The following GPM6B variants were observed in gnomAD, a reference collection of about 807,000 sequenced individuals.
GPM6B encodes the protein neuronal membrane glycoprotein M6-b.
A neutral mutation model predicts 27.2 loss-of-function variants in GPM6B; 4 were observed. That is an observed-to-expected ratio of 0.15 (90% CI 0.07 to 0.34). The LOEUF (loss-of-function observed/expected upper bound fraction) is 0.34. GPM6B is among the 10% of genes least tolerant of loss of function. The pLI, the probability that GPM6B is intolerant of heterozygous loss-of-function variation, is 1.00. For missense variants in GPM6B, 183 were observed against 261.9 expected (o/e 0.70, Z 2.08); for synonymous variants, 124 against 103.1 (o/e 1.20, Z -1.23).
intron 1 of GPM6B, among the ~76,000 whole-genome samples, chrX:13,901,362 A>G (rs757042445): frequency 6.5e-4 from 72 of 110,562 alleles, no homozygotes; most frequent in Non-Finnish European, 1.2e-3. Flanking sequence ...TTTCTCCCTC[A>G]AGGTTTCATC....
At chrX:13,813,948 G>A (rs189814360) in intron 1 of GPM6B, among the ~76,000 whole-genome samples, 37 of 112,210 alleles carry the variant, frequency 3.3e-4, no homozygotes, top group East Asian at 3.0e-3. Context: ...ATACTCTTGT[G>A]AATTTTGGTA....
intron 1 of GPM6B, among the ~76,000 whole-genome samples, chrX:13,808,940 A>G (rs1444390581): frequency 8.9e-6 from 1 of 112,414 alleles, no homozygotes; most frequent in Non-Finnish European, 1.9e-5. Flanking sequence ...TAAGGTATAC[A>G]TAACTCATTT....
intron 1 of GPM6B, among the ~76,000 whole-genome samples, chrX:13,861,013 C>T (rs1159628380): frequency 2.8e-4 from 8 of 29,031 alleles, no homozygotes; most frequent in Non-Finnish European, 5.1e-4. Flanking sequence ...CATACACACA[C>T]ACACACACAC....
intron 1 of GPM6B, among the ~76,000 whole-genome samples, chrX:13,892,033 G>T (rs1358755505): frequency 9.0e-6 from 1 of 111,482 alleles, no homozygotes; most frequent in Non-Finnish European, 1.9e-5. Context: ...CATGTTTCTT[G>T]CTGGGCTCGG....
exon 1 of GPM6B, chrX:13,938,357 CT>C (rs1921949703): frequency 1.1e-5 from 3 of 280,534 alleles, no homozygotes; most frequent in Non-Finnish European, 1.9e-5. Flanking sequence ...CGCCGCGCCC[CT>C]CCCACCTCCA....
intron 1 of GPM6B, among the ~76,000 whole-genome samples, chrX:13,919,822 T>C (rs1390887800): frequency 1.8e-5 from 2 of 111,310 alleles, no homozygotes; most frequent in Non-Finnish European, 3.8e-5. Flanking sequence ...GGAGAGAAAC[T>C]GGGGGATGAG....
At chrX:13,799,731 G>C (rs2048886184) in intron 2 of GPM6B, among the ~76,000 whole-genome samples, 1 of 111,454 alleles carries the variant, frequency 9.0e-6, no homozygotes, top group South Asian at 3.8e-4. Context: ...TGCTCACAGA[G>C]AGCTTAGAGT....
intron 1 of GPM6B, among the ~76,000 whole-genome samples, chrX:13,917,145 G>A (rs1451485450): frequency 3.6e-5 from 4 of 111,567 alleles, no homozygotes; most frequent in East Asian, 5.6e-4. Context: ...CCAGGAGGCC[G>A]AGGTTGCAAT....
intron 1 of GPM6B, among the ~76,000 whole-genome samples, chrX:13,863,760 G>C (rs903447432): frequency 8.9e-6 from 1 of 112,145 alleles, no homozygotes; most frequent in African/African-American, 3.2e-5. Flanking sequence ...AATTATAGCA[G>C]TTTTCAAAAC....
intron 1 of GPM6B, among the ~76,000 whole-genome samples, chrX:13,936,725 A>C (rs1296300589): frequency 8.9e-6 from 1 of 112,201 alleles, no homozygotes; most frequent in East Asian, 2.8e-4. Context: ...TGGAGCCAAC[A>C]ATTGTCCAAA....
At chrX:13,817,193 A>G, upstream of GPM6B, 2 of 863,489 alleles carry the variant, frequency 2.3e-6, no homozygotes, top group Non-Finnish European at 2.8e-6. Context: ...TGGTGCCTAC[A>G]GTCTCAATGC....
chrX:13,785,324 G>T (rs909268730), intron 3 of GPM6B, among the ~76,000 whole-genome samples: 2 of 111,463 alleles, frequency 1.8e-5, no homozygotes, highest in Admixed American at 9.5e-5. Context: ...ACCCAGGCTG[G>T]AGTGCAGTGT....
At chrX:13,842,989 C>T (rs1222737432) in intron 1 of GPM6B, among the ~76,000 whole-genome samples, 1 of 111,385 alleles carries the variant, frequency 9.0e-6, no homozygotes, top group African/African-American at 3.3e-5. Flanking sequence ...ATATTCCCCC[C>T]TTTCCACTTG....
chrX:13,810,739 G>A (rs1417147605), intron 1 of GPM6B, among the ~76,000 whole-genome samples: 1 of 94,603 alleles, frequency 1.1e-5, no homozygotes, highest in East Asian at 3.2e-4. Flanking sequence ...CCTTAATTCA[G>A]GATTTAAAAA....
intron 1 of GPM6B, among the ~76,000 whole-genome samples, chrX:13,885,771 T>C (rs1365043675): frequency 9.0e-6 from 1 of 111,219 alleles, no homozygotes; most frequent in East Asian, 2.8e-4. Flanking sequence ...TGATGGATGG[T>C]GCCTATGAAG....
At chrX:13,819,330 A>G (rs2049282528), upstream of GPM6B, among the ~76,000 whole-genome samples, 1 of 112,306 alleles carries the variant, frequency 8.9e-6, no homozygotes, top group Admixed American at 9.4e-5. Flanking sequence ...ACAATTGTCA[A>G]GAGGAAGAGA....
At chrX:13,836,274 A>G (rs1403511933) in intron 1 of GPM6B, among the ~76,000 whole-genome samples, 1 of 111,741 alleles carries the variant, frequency 8.9e-6, no homozygotes, top group Non-Finnish European at 1.9e-5. Flanking sequence ...GTGTGATTCT[A>G]ATGCTAAAGC....
chrX:13,871,114 C>CAAAA (rs372420351), intron 1 of GPM6B, among the ~76,000 whole-genome samples: 39 of 95,157 alleles, frequency 4.1e-4, no homozygotes, highest in Non-Finnish European at 6.1e-4. Flanking sequence ...CAAAACAAAA[C>CAAAA]AAAAAAAAAA....
chrX:13,816,834 C>T lies in GPM6B; in HGVS notation c.61+10G>A, dbSNP rs370120996. On this transcript the variant is annotated intron_variant, in intron 1 of 7. Transcript: ENST00000316715. ...AGCTTTAAACAGGCTATTGTCAGAG[C>T]GCTGGGTACCTTTTCTCTCTTGGCT... The T allele has an allele frequency of 2.5e-5, 30 of 1,208,220 alleles. No individual in the cohort carries two copies. Among genetic ancestry groups the T allele is most frequent in the African/African-American group, 1.1e-4 (6 of 56,877 alleles).
Sources: allele counts gnomAD v4.1 joint callset (sites outside exome capture counted in the v4.1 genomes callset), GRCh38; gene constraint gnomAD v4.1.1; transcripts MANE v1.5; gene names NCBI Gene and HGNC (gene_info 2026-07-23, HGNC 2026-07-21).